Variants in TBX4 observed in about 807,000 individuals in gnomAD.
TBX4 encodes T-box transcription factor 4.
A neutral mutation model predicts 54.6 loss-of-function variants in TBX4; 13 were observed. The ratio of observed to expected loss-of-function variants is 0.24; its 90% confidence interval spans 0.15 to 0.38. The LOEUF (loss-of-function observed/expected upper bound fraction) is 0.38, where lower values mean the gene tolerates loss of function less well. TBX4 is among the 10% of genes least tolerant of loss of function. The pLI, the probability that TBX4 is intolerant of heterozygous loss-of-function variation, is 1.00. For synonymous variants in TBX4, 314 were observed against 306.7 expected, an observed-to-expected ratio of 1.02 and a Z score of -0.25; for missense variants, 631 against 728.5, an observed-to-expected ratio of 0.87 and a Z score of 1.54.
rs996298618 is a variant in TBX4 at position 61,480,897 on chromosome 17, C to T, written c.1021+578C>T. 1.3e-5 allele frequency among the ~76,000 whole-genome samples: 2 copies of T among 152,266 alleles called. No homozygotes were observed. The highest frequency in any genetic ancestry group is 2.1e-4 in the South Asian group (1 of 4,818). On this transcript the variant is annotated intron_variant, in intron 8 of 8. Coordinates refer to ENST00000644296, the MANE Select transcript of TBX4 (RefSeq NM_001321120.2). The surrounding 1 kb of genome is among the most constrained non-coding windows in gnomAD (Gnocchi z 6.2). ...GGCCTCTTCGTAAAGAGGAGGAGCC[C>T]GGAGCTGGGCACCATCACATCTGTG...
chr17:61,478,465 G>T lies in TBX4; in HGVS notation c.550-162G>T. 1 of 909,278 alleles carries T rather than the reference G, an allele frequency of 1.1e-6. No individual in the cohort carries two copies. Among genetic ancestry groups the T allele is most frequent in the East Asian group, 2.6e-5 (1 of 38,342 alleles). The allele number at this position is 909,278 out of a possible 1,614,324, so 56.3% of individuals were successfully genotyped here. A position where few individuals can be genotyped will look rare whatever the true frequency, so the allele number is the denominator to read the frequency against. The stretch of plus-strand genomic sequence containing the variant: ...GGTGGGGAGAGTTTGGGGCCCAGGG[G>T]CCTGGTTCTTCACTTGGGAGCTCCA... On this transcript the variant is annotated intron_variant, in intron 5 of 8. Transcript: ENST00000644296. This position sits in a 1 kb window ranked among gnomAD's most constrained non-coding sequence, Gnocchi z 7.4.
chr17:61,478,800 C>T lies in TBX4; in HGVS notation c.702+21C>T. 1.2e-6 allele frequency: 2 copies of T among 1,614,158 alleles called. No homozygotes were observed. Among genetic ancestry groups the T allele is most frequent in the East Asian group, 4.5e-5 (2 of 44,866 alleles). ...ACAAGGTACAGCCACTGCCCCACTG[C>T]CCCACAGCCCCACTTAACACCACCC... On this transcript the variant is annotated intron_variant, in intron 6 of 8. Coordinates refer to ENST00000644296, the MANE Select transcript of TBX4 (RefSeq NM_001321120.2). The surrounding 1 kb of genome is among the most constrained non-coding windows in gnomAD (Gnocchi z 7.4).
At position 61,482,983 on chromosome 17, in the gene TBX4, TC is replaced by T. The variant is rs754897911; in HGVS notation, c.1115del (p.Pro372LeufsTer8). 3 of 1,612,910 alleles carry T rather than the reference TC, an allele frequency of 1.9e-6. No homozygotes were observed. The highest frequency in any genetic ancestry group is 2.5e-6 in the Non-Finnish European group (3 of 1,179,704). ...GGTGGGGGAGGATCACTATTTCCGTTCCCCCCCTCCCTACGACCAGCAAATG... is the reference window on the plus strand; with the variant it reads ...GGTGGGGGAGGATCACTATTTCCGTTCCCCCCTCCCTACGACCAGCAAATG... The part of the protein sequence containing the change: ...SSVGEDHYFR[S>X]PPPYDQQMLS... On this transcript the variant is annotated frameshift_variant, in exon 9 of 9. Transcript: ENST00000644296. LOFTEE classifies it high-confidence loss of function.
intron 3 of TBX4, among the ~76,000 whole-genome samples, chr17:61,458,859 G>T (rs757656267): frequency 6.6e-6 from 1 of 152,214 alleles, no homozygotes. Flanking sequence ...ACCACTTAGT[G>T]AATGATAGAC....
chr17:61,471,892 ATTTTTTTTTTTTTTTTTT>A (rs35198276), intron 5 of TBX4, among the ~76,000 whole-genome samples: 1 of 72,928 alleles, frequency 1.4e-5, no homozygotes, highest in Non-Finnish European at 2.7e-5. Flanking sequence ...TGCCCAGCTA[ATTTTTTTTTTTTTTTTTT>A]TTTTTTTTTT....
chr17:61,465,834 C>T lies in TBX4; in HGVS notation c.297C>T (p.Ser99=). ...ITKAGRRMFP[S]YKVKVTGMNP... The stretch of plus-strand genomic sequence containing the variant: ...GCTCCCCCAGGAGGATGTTCCCCAG[C>T]TACAAGGTAAAAGTCACAGGCATGA... Residue 99 remains serine (S), a synonymous_variant, in exon 4 of 9, where the codon AGC becomes AGT. Coordinates refer to ENST00000644296, the MANE Select transcript of TBX4 (RefSeq NM_001321120.2). The surrounding 1 kb of genome is among the most constrained non-coding windows in gnomAD (Gnocchi z 4.9). 4.3e-6 allele frequency: 7 copies of T among 1,614,150 alleles called. No homozygotes were observed. Among genetic ancestry groups the T allele is most frequent in the Non-Finnish European group, 5.9e-6 (7 of 1,180,014 alleles).
chr17:61,452,958 C>T (rs1224621129), intron 1 of TBX4: 3 of 985,230 alleles, frequency 3.0e-6, no homozygotes, highest in Admixed American at 1.2e-4. Flanking sequence ...AAGAGGGCCC[C>T]GGTACTGGAG....
At chr17:61,456,742 G>A (rs1340399348) in intron 2 of TBX4, 66 bp downstream of exon 2, 1 of 1,230,462 alleles carries the variant, frequency 8.1e-7, no homozygotes, top group Non-Finnish European at 1.0e-6. Context: ...GCCTGTGTCC[G>A]TCTTTCCGTC....
Position 61,484,222 on chromosome 17 carries a change from G to C in TBX4, c.*706G>C, listed in dbSNP as rs1569048002. On this transcript the variant is annotated 3_prime_UTR_variant, in exon 9 of 9. Coordinates refer to ENST00000644296, the MANE Select transcript of TBX4 (RefSeq NM_001321120.2). The surrounding 1 kb of genome is among the most constrained non-coding windows in gnomAD (Gnocchi z 4.1). Reference sequence around the variant, plus strand: ...TGTCACCTGAGGGGTATTTTTAAAGGGTTTTTTTTTCCCTTCAAGAGGAGG... The same window carrying C: ...TGTCACCTGAGGGGTATTTTTAAAGCGTTTTTTTTTCCCTTCAAGAGGAGG... The C allele has an allele frequency of 6.6e-6, 1 of 151,204 alleles. No homozygotes were observed. The highest frequency in any genetic ancestry group is 1.5e-5 in the Non-Finnish European group (1 of 67,940). 9.4% of individuals were successfully genotyped at this position (151,204 alleles called of 1,614,324 possible). A position where few individuals can be genotyped will look rare whatever the true frequency, so the allele number is the denominator to read the frequency against.
Position 61,456,686 on chromosome 17 carries a change from C to A in TBX4, c.186+10C>A, listed in dbSNP as rs2060453221. 7.3e-7 allele frequency: 1 copy of A among 1,377,158 alleles called. No homozygotes were observed. Among genetic ancestry groups the A allele is most frequent in the Non-Finnish European group, 9.4e-7 (1 of 1,062,944 alleles). 85.3% of individuals were successfully genotyped at this position (1,377,158 alleles called of 1,614,324 possible). A position where few individuals can be genotyped will look rare whatever the true frequency, so the allele number is the denominator to read the frequency against. On this transcript the variant is annotated intron_variant, in intron 2 of 8. Transcript: ENST00000644296. ...CGCCGCCGCGGAGCAGGTAGGGCTG[C>A]GCCAGCCGTCGGGTAGAAGTCGGGC... is the stretch of plus-strand genomic sequence containing the variant.
Position 61,457,778 on chromosome 17 carries a change from G to A in TBX4, c.281+147G>A. The A allele has an allele frequency of 2.6e-6, 2 of 772,926 alleles. No individual in the cohort carries two copies. The highest frequency in any genetic ancestry group is 2.1e-6 in the Non-Finnish European group (1 of 478,542). 47.9% of individuals were successfully genotyped at this position (772,926 alleles called of 1,614,324 possible). A position where few individuals can be genotyped will look rare whatever the true frequency, so the allele number is the denominator to read the frequency against. On this transcript the variant is annotated intron_variant, in intron 3 of 8. Transcript: ENST00000644296. This position sits in a 1 kb window ranked among gnomAD's most constrained non-coding sequence, Gnocchi z 8.2. The stretch of plus-strand genomic sequence containing the variant: ...GGCGTCAGTGCCACCTCCCTTCGCA[G>A]CTTGGGACTGGGCCGCCAAAGCCCG...
rs537107950 is a variant in TBX4, at chr17:61,468,768, A to G, written c.549+1111A>G. On this transcript the variant is annotated intron_variant, in intron 5 of 8. Coordinates refer to ENST00000644296, the MANE Select transcript of TBX4 (RefSeq NM_001321120.2). ...TGAGTCCCTTTGCTGGGTTTCCCAT[A>G]CAGGGCAGGCAGATTCCCAATGGGG... Among the ~76,000 whole-genome samples the G allele has an allele frequency of 1.3e-5, 2 of 152,326 alleles. 1 individual carries two copies. Among genetic ancestry groups the G allele is most frequent in the African/African-American group, 4.8e-5 (2 of 41,584 alleles).
rs1004879039 is a variant in TBX4, at chr17:61,476,799, T to C, written c.550-1828T>C. 6.6e-6 allele frequency among the ~76,000 whole-genome samples: 1 copy of C among 152,212 alleles called. No individual in the cohort carries two copies. The highest frequency in any genetic ancestry group is 2.4e-5 in the African/African-American group (1 of 41,456). ...AGAAGGCAGAAAGTGTGGTTCCTGCTGGATGGAGTCACCCAGCTCAACCGA... is the reference window on the plus strand; with the variant it reads ...AGAAGGCAGAAAGTGTGGTTCCTGCCGGATGGAGTCACCCAGCTCAACCGA... On this transcript the variant is annotated intron_variant, in intron 5 of 8. Transcript: ENST00000644296. The surrounding 1 kb of genome is among the most constrained non-coding windows in gnomAD (Gnocchi z 6.5).
At chr17:61,467,151 C>T (rs1434400036) in intron 4 of TBX4, among the ~76,000 whole-genome samples, 1 of 151,898 alleles carries the variant, frequency 6.6e-6, no homozygotes, top group Non-Finnish European at 1.5e-5. Context: ...GAACCTGTCT[C>T]TTAAAAAGAA....
chr17:61,483,578 C>T lies in TBX4; in HGVS notation c.*62C>T. ...CTCCAGTATTAACCTCTGTGGGTGGCCTGCACTCTACCAAGAAACACAGGA... is the reference window on the plus strand; with the variant it reads ...CTCCAGTATTAACCTCTGTGGGTGGTCTGCACTCTACCAAGAAACACAGGA... On this transcript the variant is annotated 3_prime_UTR_variant, in exon 9 of 9. Transcript: ENST00000644296. This position sits in a 1 kb window ranked among gnomAD's most constrained non-coding sequence, Gnocchi z 6.6. 5 of 1,603,756 alleles carry T rather than the reference C, an allele frequency of 3.1e-6. No individual in the cohort carries two copies. The highest frequency in any genetic ancestry group is 4.3e-6 in the Non-Finnish European group (5 of 1,174,516).
intron 5 of TBX4, among the ~76,000 whole-genome samples, chr17:61,470,946 C>G (rs8076896): frequency 6.6e-6 from 1 of 152,286 alleles, no homozygotes; most frequent in African/African-American, 2.4e-5. Flanking sequence ...GGGGCATAGG[C>G]GGGACCTGTA....
In TBX4 at chr17:61,472,529, T is replaced by C. The variant is rs776838828; in HGVS notation, c.549+4872T>C. 6.6e-6 allele frequency among the ~76,000 whole-genome samples: 1 copy of C among 152,248 alleles called. No individual in the cohort carries two copies. The highest frequency in any genetic ancestry group is 1.5e-5 in the Non-Finnish European group (1 of 68,052). ...CTCTTATAAATTAGGAGGATGTAGC[T>C]CTTATCTGTGATGAGTTACACATGT... is the stretch of plus-strand genomic sequence containing the variant. On this transcript the variant is annotated intron_variant, in intron 5 of 8. Coordinates refer to ENST00000644296, the MANE Select transcript of TBX4 (RefSeq NM_001321120.2). This position sits in a 1 kb window ranked among gnomAD's most constrained non-coding sequence, Gnocchi z 4.5.
At chr17:61,466,979 A>C (rs952417211) in intron 4 of TBX4, among the ~76,000 whole-genome samples, 1 of 152,138 alleles carries the variant, frequency 6.6e-6, no homozygotes, top group African/African-American at 2.4e-5. Flanking sequence ...TAATATAGTA[A>C]GATCCTTGTC....
chr17:61,473,306 T>C (rs1215519101), intron 5 of TBX4, among the ~76,000 whole-genome samples: 1 of 152,240 alleles, frequency 6.6e-6, no homozygotes, highest in African/African-American at 2.4e-5. Context: ...GGAGTTACTA[T>C]GTGACTGCCC....
Sources: gnomAD v4.1 joint callset for allele counts (sites outside exome capture counted in the v4.1 genomes callset) on GRCh38, gnomAD v4.1.1 for gene constraint, Gnocchi (gnomAD v3.1) non-coding constraint, MANE v1.5 for transcripts, NCBI Gene and HGNC (gene_info 2026-07-23, HGNC 2026-07-21) for gene names.